Variants in GRIN2A observed in about 807,000 individuals in gnomAD.
The protein encoded by GRIN2A is glutamate ionotropic receptor NMDA type subunit 2A, also known as glutamate receptor ionotropic, NMDA 2A.
GRIN2A carries 22 observed loss-of-function variants against 113.4 expected under a neutral mutation model. The observed-to-expected ratio is 0.19, with a 90% CI of 0.14 to 0.28. The LOEUF is 0.28. Ranked by LOEUF, GRIN2A falls within the 10% of genes least tolerant of loss-of-function variation. The pLI, the probability that GRIN2A is intolerant of heterozygous loss-of-function variation, is 1.00. For missense variants in GRIN2A, 1,502 were observed against 1,887.0 expected (o/e 0.80, Z 3.78); for synonymous variants, 827 against 738.4 (o/e 1.12, Z -1.94).
At chr16:10,174,271 G>C (rs1337789272) in intron 2 of GRIN2A, among the ~76,000 whole-genome samples, 1 of 152,176 alleles carries the variant, frequency 6.6e-6, no homozygotes, top group Admixed American at 6.5e-5. Flanking sequence ...CCAAAATGAA[G>C]TCACCTACAT....
chr16:9,915,624 GAATTGATGT>G (rs2044234721), intron 3 of GRIN2A, among the ~76,000 whole-genome samples: 1 of 152,158 alleles, frequency 6.6e-6, no homozygotes, highest in African/African-American at 2.4e-5. Context: ...TCTGTCCAAT[GAATTGATGT>G]AATTGATGTC....
At chr16:9,785,015 GT>G (rs1439983427) in intron 11 of GRIN2A, among the ~76,000 whole-genome samples, 2 of 152,216 alleles carry the variant, frequency 1.3e-5, no homozygotes, top group East Asian at 3.9e-4. Flanking sequence ...TTCAACCATT[GT>G]GGAAGTCAGT....
chr16:9,975,632 CAG>C (rs768081786), intron 2 of GRIN2A, among the ~76,000 whole-genome samples: 4 of 152,136 alleles, frequency 2.6e-5, no homozygotes, highest in Non-Finnish European at 5.9e-5. Context: ...ACATGAAAAA[CAG>C]AGGGGAAATA....
intron 2 of GRIN2A, among the ~76,000 whole-genome samples, chr16:10,001,991 C>T (rs1449860728): frequency 6.6e-6 from 1 of 152,110 alleles, no homozygotes; most frequent in Non-Finnish European, 1.5e-5. Context: ...ATTTAGTTTA[C>T]CCTGGCAGCA....
chr16:9,999,163 G>C (rs1262102187), intron 2 of GRIN2A, among the ~76,000 whole-genome samples: 2 of 152,174 alleles, frequency 1.3e-5, no homozygotes, highest in African/African-American at 4.8e-5. Context: ...TTATGTCAAA[G>C]AGTTTCCAGC....
chr16:10,138,576 C>T (rs140084791), intron 2 of GRIN2A, among the ~76,000 whole-genome samples: 2,213 of 152,162 alleles, frequency 0.015, 54 homozygotes, highest in African/African-American at 0.051. Flanking sequence ...CCCACCAGGC[C>T]CCTCCCTGAC....
chr16:9,931,061 C>A (rs2044581291), intron 3 of GRIN2A, among the ~76,000 whole-genome samples: 1 of 152,158 alleles, frequency 6.6e-6, no homozygotes, highest in African/African-American at 2.4e-5. Flanking sequence ...CCCTTCAATA[C>A]TAATTCATAA....
At chr16:10,095,329 G>C (rs2048267286) in intron 2 of GRIN2A, among the ~76,000 whole-genome samples, 1 of 152,068 alleles carries the variant, frequency 6.6e-6, no homozygotes, top group South Asian at 2.1e-4. Flanking sequence ...TGTGTCAAAA[G>C]AATACAAGAG....
chr16:9,786,551 G>A (rs77245853), intron 11 of GRIN2A, among the ~76,000 whole-genome samples: 4,621 of 152,258 alleles, frequency 0.03, 227 homozygotes, highest in African/African-American at 0.11. Flanking sequence ...AGAGGAAGGA[G>A]CACTGACTCT....
intron 8 of GRIN2A, among the ~76,000 whole-genome samples, chr16:9,832,097 T>G (rs2042506437): frequency 6.9e-6 from 1 of 144,690 alleles, no homozygotes; most frequent in East Asian, 2.0e-4. Flanking sequence ...TTTATTTATT[T>G]ATTTATTTAT....
chr16:9,869,002 C>T (rs573555185), intron 4 of GRIN2A, among the ~76,000 whole-genome samples: 6 of 152,182 alleles, frequency 3.9e-5, no homozygotes, highest in Non-Finnish European at 8.8e-5. Context: ...TTCCCTACCT[C>T]ACTAGCTAGT....
intron 3 of GRIN2A, among the ~76,000 whole-genome samples, chr16:9,911,931 A>G (rs1440399619): frequency 6.6e-6 from 1 of 152,212 alleles, no homozygotes; most frequent in East Asian, 1.9e-4. Flanking sequence ...GCTTAAGAGC[A>G]TGACTGGGCA....
intron 2 of GRIN2A, among the ~76,000 whole-genome samples, chr16:10,041,005 T>C (rs1256488787): frequency 6.6e-6 from 1 of 152,274 alleles, no homozygotes; most frequent in East Asian, 1.9e-4. Context: ...CAAAGCCCCC[T>C]GGCAAAGTAA....
chr16:9,837,274 C>T (rs1319548512), intron 7 of GRIN2A, among the ~76,000 whole-genome samples: 1 of 152,114 alleles, frequency 6.6e-6, no homozygotes, highest in Non-Finnish European at 1.5e-5. Context: ...TGGGTAAAAA[C>T]AGCTTTGAAA....
chr16:9,903,960 A>G (rs1379665231), intron 3 of GRIN2A, among the ~76,000 whole-genome samples: 1 of 152,202 alleles, frequency 6.6e-6, no homozygotes, highest in Non-Finnish European at 1.5e-5. Flanking sequence ...CTCCCTGAGG[A>G]TAAGAATTCA....
intron 2 of GRIN2A, among the ~76,000 whole-genome samples, chr16:10,149,334 C>T (rs901275110): frequency 1.6e-4 from 25 of 152,230 alleles, no homozygotes; most frequent in African/African-American, 5.8e-4. Flanking sequence ...TCCCATATAC[C>T]TAACAAATAT....
intron 2 of GRIN2A, among the ~76,000 whole-genome samples, chr16:10,107,440 G>A (rs1345881423): frequency 2.0e-5 from 3 of 152,226 alleles, no homozygotes; most frequent in African/African-American, 4.8e-5. Context: ...ACTGCAGGTA[G>A]TTGCATGAGG....
chr16:9,829,668 A>C lies in GRIN2A; in HGVS notation c.1778-16T>G, dbSNP rs1444950732. On this transcript the variant is annotated splice_polypyrimidine_tract_variant and intron_variant, in intron 8 of 12. Coordinates refer to ENST00000330684, the MANE Select transcript of GRIN2A (RefSeq NM_001134407.3). Reference sequence around the variant, plus strand: ...CCATGGGGTGCTGCAGAAGATGAAAAGGACATTCTCAGCATTTTCTGAAAA... The same window carrying C: ...CCATGGGGTGCTGCAGAAGATGAAACGGACATTCTCAGCATTTTCTGAAAA... 1 of 1,573,894 alleles carries C rather than the reference A, an allele frequency of 6.4e-7. No homozygotes were observed. The highest frequency in any genetic ancestry group is 1.1e-5 in the South Asian group (1 of 90,228).
At chr16:10,162,906 G>A (rs2049832959) in intron 2 of GRIN2A, among the ~76,000 whole-genome samples, 1 of 152,184 alleles carries the variant, frequency 6.6e-6, no homozygotes, top group Admixed American at 6.5e-5. Context: ...TTTCGGAGGA[G>A]GGAAGGAAGC....
Sources: gnomAD v4.1 joint callset for allele counts (sites outside exome capture counted in the v4.1 genomes callset) on GRCh38, gnomAD v4.1.1 for gene constraint, MANE v1.5 for transcripts, NCBI Gene and HGNC (gene_info 2026-07-23, HGNC 2026-07-21) for gene names.